MBD5: variants seen among roughly 807,000 people sequenced by gnomAD.
The protein encoded by MBD5 is methyl-CpG binding domain protein 5.
MBD5 carries 13 observed loss-of-function variants against 117.3 expected under a neutral mutation model. That is an observed-to-expected ratio of 0.11 (90% confidence interval 0.07 to 0.18). The LOEUF (loss-of-function observed/expected upper bound fraction) is 0.18, where lower values mean the gene tolerates loss of function less well. Ranked by LOEUF, MBD5 falls within the 10% of genes least tolerant of loss-of-function variation. The pLI is 1.00. For synonymous variants in MBD5, 727 were observed against 766.4 expected (o/e 0.95, Z 0.85); for missense variants, 1,879 against 2,093.8 (o/e 0.90, Z 2.00).
intron 2 of MBD5, among the ~76,000 whole-genome samples, chr2:148,207,554 G>A (rs1002648980): frequency 1.3e-5 from 2 of 152,024 alleles, no homozygotes; most frequent in Non-Finnish European, 2.9e-5. Flanking sequence ...TCATTCGAGG[G>A]TGGGAGATGG....
intron 3 of MBD5, among the ~76,000 whole-genome samples, chr2:148,280,223 G>T (rs1701217767): frequency 6.7e-6 from 1 of 148,916 alleles, no homozygotes; most frequent in Non-Finnish European, 1.5e-5. Context: ...TTTTCTCACA[G>T]AGTCTAAAAT....
At chr2:148,446,255 T>G (rs985716346) in intron 4 of MBD5, among the ~76,000 whole-genome samples, 21 of 152,156 alleles carry the variant, frequency 1.4e-4, no homozygotes, top group Admixed American at 2.6e-4. Context: ...CTAGGGTTTT[T>G]ATGGTTTTAG....
chr2:148,425,876 G>A (rs922310290), intron 4 of MBD5, among the ~76,000 whole-genome samples: 1 of 152,138 alleles, frequency 6.6e-6, no homozygotes, highest in South Asian at 2.1e-4. Context: ...AAGTATTGAT[G>A]GAATGTATTT....
intron 1 of MBD5, among the ~76,000 whole-genome samples, chr2:148,174,587 A>G (rs757024660): frequency 6.6e-6 from 1 of 152,102 alleles, no homozygotes; most frequent in Non-Finnish European, 1.5e-5. Flanking sequence ...AAGAAGCCGA[A>G]ACACCTGAAT....
intron 3 of MBD5, among the ~76,000 whole-genome samples, chr2:148,295,114 A>G (rs1453453163): frequency 6.6e-6 from 1 of 152,202 alleles, no homozygotes; most frequent in East Asian, 1.9e-4. Flanking sequence ...GTTTCCAGCC[A>G]TTATTTCTTT....
intron 3 of MBD5, among the ~76,000 whole-genome samples, chr2:148,319,959 A>G (rs61304079): frequency 0.2 from 30,828 of 152,078 alleles, 3,253 homozygotes; most frequent in African/African-American, 0.21. Context: ...GATTTTTATC[A>G]TGAAGGGATG....
At chr2:148,105,381 G>A (rs1696344047) in intron 1 of MBD5, among the ~76,000 whole-genome samples, 1 of 151,950 alleles carries the variant, frequency 6.6e-6, no homozygotes, top group African/African-American at 2.4e-5. Context: ...ATCACACTGG[G>A]CTAATTTTTA....
chr2:148,385,769 A>G (rs1248681145), intron 4 of MBD5, among the ~76,000 whole-genome samples: 1 of 115,682 alleles, frequency 8.6e-6, no homozygotes, highest in Admixed American at 8.5e-5. Flanking sequence ...ACCATGGAAT[A>G]CTATGCAGCC....
chr2:148,153,769 G>A (rs1319210018), intron 1 of MBD5, among the ~76,000 whole-genome samples: 5 of 142,548 alleles, frequency 3.5e-5, no homozygotes, highest in African/African-American at 7.8e-5. Context: ...CGTAGTTCTC[G>A]AGCCTTGGTT....
chr2:148,383,325 C>T (rs897706509), intron 4 of MBD5, among the ~76,000 whole-genome samples: 9 of 152,178 alleles, frequency 5.9e-5, no homozygotes, highest in African/African-American at 2.2e-4. Flanking sequence ...ATACTATAAA[C>T]ACTTCTACGC....
chr2:148,353,923 T>A (rs1703307348), intron 4 of MBD5, among the ~76,000 whole-genome samples: 1 of 152,092 alleles, frequency 6.6e-6, no homozygotes, highest in South Asian at 2.1e-4. Context: ...CTGTTGTAAC[T>A]ATAATACCTT....
chr2:148,387,262 G>T (rs1347041743), intron 4 of MBD5, among the ~76,000 whole-genome samples: 1 of 152,090 alleles, frequency 6.6e-6, no homozygotes, highest in Non-Finnish European at 1.5e-5. Context: ...TGACATTAGG[G>T]AGGAAAATTA....
chr2:148,469,528 A>G lies in MBD5; in HGVS notation c.1585A>G (p.Ile529Val). Residue 529 changes from isoleucine (I) to valine (V), a missense_variant, in exon 8 of 14, where the codon ATA becomes GTA. Coordinates refer to ENST00000642680, the MANE Select transcript of MBD5 (RefSeq NM_001378120.1). ...TATCCCTAACCCATTAATTGCTGGA[A>G]TAAGTAATGTACTAAATACCCCAAG... ...KDIPNPLIAGISNVLNTPSSA... is the reference protein window; with the variant it reads ...KDIPNPLIAGVSNVLNTPSSA... 1 of 1,613,800 alleles carries G rather than the reference A, an allele frequency of 6.2e-7. No homozygotes were observed. Among genetic ancestry groups the G allele is most frequent in the South Asian group, 1.1e-5 (1 of 91,086 alleles).
intron 3 of MBD5, chr2:148,244,376 C>G (rs1331133603): frequency 6.6e-6 from 1 of 152,068 alleles, no homozygotes; most frequent in African/African-American, 2.4e-5. Context: ...AAAAGTACCA[C>G]ATTATGAGAC....
At chr2:148,276,416 TAATC>T (rs1701115721) in intron 3 of MBD5, among the ~76,000 whole-genome samples, 1 of 152,222 alleles carries the variant, frequency 6.6e-6, no homozygotes, top group African/African-American at 2.4e-5. Flanking sequence ...ACTTTTCACT[TAATC>T]AATTACCATT....
chr2:148,316,478 G>T (rs1486604581), intron 3 of MBD5, among the ~76,000 whole-genome samples: 1 of 152,066 alleles, frequency 6.6e-6, no homozygotes, highest in Non-Finnish European at 1.5e-5. Flanking sequence ...TCCTCAGCTT[G>T]CTACCAAATC....
chr2:148,075,450 A>G (rs910901635), intron 1 of MBD5, among the ~76,000 whole-genome samples: 2 of 152,234 alleles, frequency 1.3e-5, no homozygotes, highest in African/African-American at 4.8e-5. Flanking sequence ...AAGTCATAGC[A>G]TCAAGTTATT....
chr2:148,038,713 T>G (rs1375389098), intron 1 of MBD5, among the ~76,000 whole-genome samples: 1 of 151,870 alleles, frequency 6.6e-6, no homozygotes, highest in Non-Finnish European at 1.5e-5. Flanking sequence ...ACATGTAAGG[T>G]TTTGACTAAA....
intron 4 of MBD5, among the ~76,000 whole-genome samples, chr2:148,367,313 T>C (rs1204893331): frequency 6.6e-6 from 1 of 152,210 alleles, no homozygotes; most frequent in Non-Finnish European, 1.5e-5. Flanking sequence ...TTACACCTTA[T>C]ACAAAAATGA....
Sources: allele counts gnomAD v4.1 joint callset (sites outside exome capture counted in the v4.1 genomes callset), GRCh38; gene constraint gnomAD v4.1.1; transcripts MANE v1.5; gene names NCBI Gene and HGNC (gene_info 2026-07-23, HGNC 2026-07-21).